ZDHHC14: variants seen among roughly 807,000 people sequenced by gnomAD.
ZDHHC14 encodes the protein zDHHC palmitoyltransferase 14.
ZDHHC14 carries 16 observed loss-of-function variants against 47.7 expected under a neutral mutation model. The observed-to-expected ratio is 0.34, with a 90% CI of 0.23 to 0.51. The LOEUF (loss-of-function observed/expected upper bound fraction) is 0.51. Ranked by LOEUF, ZDHHC14 falls within the 20% of genes least tolerant of loss-of-function variation. ZDHHC14 has a pLI of 0.97. For synonymous variants in ZDHHC14, 293 were observed against 278.9 expected, an observed-to-expected ratio of 1.05 and a Z score of -0.50; for missense variants, 515 against 662.5, an observed-to-expected ratio of 0.78 and a Z score of 2.44.
chr6:157,474,718 G>A (rs1259351450), intron 1 of ZDHHC14, among the ~76,000 whole-genome samples: 1 of 152,166 alleles, frequency 6.6e-6, no homozygotes, highest in Non-Finnish European at 1.5e-5. Flanking sequence ...CTTCATTTGA[G>A]AAATGTCTAT....
chr6:157,494,379 T>C (rs1381272588), intron 1 of ZDHHC14, among the ~76,000 whole-genome samples: 1 of 152,216 alleles, frequency 6.6e-6, no homozygotes, highest in Non-Finnish European at 1.5e-5. Context: ...CCCTGCGGGC[T>C]CTGCATGCTT....
intron 1 of ZDHHC14, among the ~76,000 whole-genome samples, chr6:157,406,863 A>G (rs1777775848): frequency 6.6e-6 from 1 of 152,154 alleles, no homozygotes; most frequent in South Asian, 2.1e-4. Context: ...TCACTGAGCT[A>G]ATTGCCTGAC....
At chr6:157,504,192 ATTT>A (rs113781730) in intron 1 of ZDHHC14, among the ~76,000 whole-genome samples, 1 of 151,304 alleles carries the variant, frequency 6.6e-6, no homozygotes, top group African/African-American at 2.4e-5. Context: ...GCATATATAT[ATTT>A]TTTTTTTGTT....
intron 3 of ZDHHC14, among the ~76,000 whole-genome samples, chr6:157,614,559 A>G (rs1583022233): frequency 1.3e-5 from 2 of 152,124 alleles, no homozygotes; most frequent in East Asian, 3.9e-4. Context: ...TCACTGTGTG[A>G]TGTTCTTAGA....
chr6:157,429,779 C>T (rs1165348261), intron 1 of ZDHHC14, among the ~76,000 whole-genome samples: 1 of 152,154 alleles, frequency 6.6e-6, no homozygotes, highest in Non-Finnish European at 1.5e-5. Context: ...TCTTCTCCTC[C>T]CTTTTCAAAA....
chr6:157,571,387 ACT>A (rs1305077406), intron 2 of ZDHHC14, among the ~76,000 whole-genome samples: 4 of 152,116 alleles, frequency 2.6e-5, no homozygotes, highest in Admixed American at 2.6e-4. Flanking sequence ...GAGCTGCTTC[ACT>A]CTCATCTGTT....
At chr6:157,615,262 A>C (rs1481339244) in intron 3 of ZDHHC14, among the ~76,000 whole-genome samples, 1 of 152,212 alleles carries the variant, frequency 6.6e-6, no homozygotes, top group Non-Finnish European at 1.5e-5. Flanking sequence ...GAACAACAAG[A>C]AACAAAAACA....
Position 157,647,241 on chromosome 6 carries a change from ACTTTC to A in ZDHHC14, c.856-13_856-9del, listed in dbSNP as rs774726171. ...GTGTGGAAGATATTGCTTGTTACTG[ACTTTC>A]CTTTTCTTTCAGATTAAAGGATCCT... On this transcript the variant is annotated splice_polypyrimidine_tract_variant and intron_variant, in intron 6 of 8. Coordinates refer to ENST00000359775, the MANE Select transcript of ZDHHC14 (RefSeq NM_024630.3). The A allele has an allele frequency of 1.9e-6, 3 of 1,590,060 alleles. No individual in the cohort carries two copies. Among genetic ancestry groups the A allele is most frequent in the East Asian group, 2.2e-5 (1 of 44,764 alleles).
intron 1 of ZDHHC14, among the ~76,000 whole-genome samples, chr6:157,393,986 G>T (rs1226469550): frequency 6.6e-6 from 1 of 152,082 alleles, no homozygotes; most frequent in Admixed American, 6.5e-5. Flanking sequence ...ATTTCCTCTT[G>T]CCTGTAGAGA....
chr6:157,561,057 C>G (rs1425733020), intron 2 of ZDHHC14, among the ~76,000 whole-genome samples: 3 of 152,342 alleles, frequency 2.0e-5, no homozygotes, highest in Middle Eastern at 3.4e-3. Flanking sequence ...TGCAGAAGGA[C>G]ATTTCGGGGA....
At chr6:157,454,869 T>C (rs900912095) in intron 1 of ZDHHC14, among the ~76,000 whole-genome samples, 1 of 152,178 alleles carries the variant, frequency 6.6e-6, no homozygotes, top group African/African-American at 2.4e-5. Context: ...TGGTGTTAAA[T>C]ATTCCTAAGC....
In ZDHHC14 at chr6:157,594,611, CTCT is replaced by C. The variant is rs1414189785; in HGVS notation, c.565+1466_565+1468del. Among the ~76,000 whole-genome samples the C allele has an allele frequency of 2.6e-5, 4 of 152,318 alleles. No homozygotes were observed. The East Asian group carries it at 7.7e-4, about 29-fold the overall frequency. On this transcript the variant is annotated intron_variant, in intron 3 of 8. Coordinates refer to ENST00000359775, the MANE Select transcript of ZDHHC14 (RefSeq NM_024630.3). ...GCTGCTAGTGCTCTTGTTACTCCTCCTCTCTTGATAGTTTTGATTGGCTTTCTC... is the reference window on the plus strand; with the variant it reads ...GCTGCTAGTGCTCTTGTTACTCCTCCCTTGATAGTTTTGATTGGCTTTCTC...
At chr6:157,668,164 T>C (rs656672) in intron 8 of ZDHHC14, among the ~76,000 whole-genome samples, 114,913 of 152,154 alleles carry the variant, frequency 0.76, 43,892 homozygotes, top group African/African-American at 0.87. Flanking sequence ...CCTGCTGTCA[T>C]CCCAGCAGGA....
intron 3 of ZDHHC14, among the ~76,000 whole-genome samples, chr6:157,608,773 T>A (rs1198744630): frequency 6.6e-6 from 1 of 152,118 alleles, no homozygotes; most frequent in East Asian, 1.9e-4. Flanking sequence ...TCAAAAAGTG[T>A]CCTCTGTCTC....
chr6:157,638,397 G>A (rs1777084963), intron 5 of ZDHHC14, among the ~76,000 whole-genome samples: 1 of 152,196 alleles, frequency 6.6e-6, no homozygotes, highest in Non-Finnish European at 1.5e-5. Context: ...GCAGTGGGGA[G>A]GGGCCTCTCA....
At chr6:157,500,274 G>A (rs764287167) in intron 1 of ZDHHC14, among the ~76,000 whole-genome samples, 5 of 152,304 alleles carry the variant, frequency 3.3e-5, no homozygotes, top group Admixed American at 6.5e-5. Flanking sequence ...GAAGATCAAC[G>A]TCACTGGAGT....
chr6:157,644,919 T>C (rs1777447130), intron 5 of ZDHHC14, among the ~76,000 whole-genome samples: 1 of 152,098 alleles, frequency 6.6e-6, no homozygotes, highest in South Asian at 2.1e-4. Context: ...CACTCTCGGG[T>C]GATGGATCTG....
chr6:157,468,943 T>C (rs1779288828), intron 1 of ZDHHC14, among the ~76,000 whole-genome samples: 1 of 152,218 alleles, frequency 6.6e-6, no homozygotes, highest in African/African-American at 2.4e-5. Context: ...GGACAAAGGC[T>C]ATAAAACCCA....
intron 1 of ZDHHC14, among the ~76,000 whole-genome samples, chr6:157,499,122 C>T (rs1288081270): frequency 2.0e-5 from 3 of 152,096 alleles, no homozygotes; most frequent in African/African-American, 7.2e-5. Context: ...GCTCATAAAA[C>T]TCTTGTAGCT....
Sources: allele counts gnomAD v4.1 joint callset (sites outside exome capture counted in the v4.1 genomes callset), GRCh38; gene constraint gnomAD v4.1.1; transcripts MANE v1.5; gene names NCBI Gene and HGNC (gene_info 2026-07-23, HGNC 2026-07-21).